Variants in BTBD7 observed in about 807,000 individuals in gnomAD.
The protein encoded by BTBD7 is BTB domain containing 7, also known as BTB/POZ domain-containing protein 7.
A neutral mutation model predicts 99.9 loss-of-function variants in BTBD7; 38 were observed. The observed-to-expected ratio is 0.38, with a 90% CI of 0.29 to 0.50. The LOEUF (loss-of-function observed/expected upper bound fraction) is 0.50, where lower values mean the gene tolerates loss of function less well. Among genes scored for constraint, BTBD7 ranks in the 20% least tolerant of loss-of-function variants. The probability of loss-of-function intolerance (pLI) is 0.93; values close to 1 mark genes in which losing one functional copy is unlikely to be tolerated. For synonymous variants in BTBD7, 520 were observed against 511.4 expected, an observed-to-expected ratio of 1.02 and a Z score of -0.23; for missense variants, 1,170 against 1,394.6, an observed-to-expected ratio of 0.84 and a Z score of 2.57.
At chr14:93,247,696 C>G (rs2052328630) in intron 9 of BTBD7, among the ~76,000 whole-genome samples, 1 of 152,134 alleles carries the variant, frequency 6.6e-6, no homozygotes, top group Non-Finnish European at 1.5e-5. Flanking sequence ...GAGTTTGTAG[C>G]AAGAAAATGA....
At chr14:93,248,768 G>A in intron 8 of BTBD7, 114 bp from the exon 9 acceptor site, 1 of 968,774 alleles carries the variant, frequency 1.0e-6, no homozygotes, top group African/African-American at 1.7e-5. Context: ...AAGTTTTTAA[G>A]ATAGTATCTT....
intron 2 of BTBD7, among the ~76,000 whole-genome samples, 198 bp from the exon 3 acceptor site, chr14:93,295,135 G>A (rs1195986698): frequency 6.6e-6 from 1 of 152,102 alleles, no homozygotes; most frequent in Non-Finnish European, 1.5e-5. Flanking sequence ...TAGAGATGGA[G>A]TCTCACTGTG....
intron 3 of BTBD7, among the ~76,000 whole-genome samples, chr14:93,289,407 A>G (rs374675685): frequency 6.6e-6 from 1 of 152,208 alleles, no homozygotes; most frequent in Admixed American, 6.5e-5. Context: ...TTCTTTCCAG[A>G]GTACTTAGTT....
At chr14:93,252,948 T>C (rs987589100) in intron 7 of BTBD7, among the ~76,000 whole-genome samples, 4 of 152,106 alleles carry the variant, frequency 2.6e-5, no homozygotes, top group African/African-American at 9.7e-5. Context: ...ATCAGTCTCC[T>C]GAGTAGCAGA....
chr14:93,330,141 T>C (rs2053385250), intron 1 of BTBD7, among the ~76,000 whole-genome samples: 1 of 152,188 alleles, frequency 6.6e-6, no homozygotes, highest in African/African-American at 2.4e-5. Context: ...CCTTCCTGGT[T>C]TACCACATTA....
At chr14:93,286,582 C>A (rs1268532442) in intron 3 of BTBD7, among the ~76,000 whole-genome samples, 1 of 152,148 alleles carries the variant, frequency 6.6e-6, no homozygotes, top group African/African-American at 2.4e-5. Context: ...CTGTTTTGTT[C>A]CTAAGAGTAG....
chr14:93,245,902 G>A lies in BTBD7; in HGVS notation c.2506C>T (p.Gln836Ter). The change falls in exon 10 of 11, where the codon CAG becomes TAG. Residue 836 changes from glutamine to a stop codon, truncating the protein, a stop_gained. Coordinates refer to ENST00000334746, the MANE Select transcript of BTBD7 (RefSeq NM_001002860.4). LOFTEE classifies it high-confidence loss of function. Reference sequence around the variant, plus strand: ...GTGGCGGCAGCAGCAGCCACCGTCTGTCTGCCCAGTCCTGCAGTGCTGGTA... The same window carrying A: ...GTGGCGGCAGCAGCAGCCACCGTCTATCTGCCCAGTCCTGCAGTGCTGGTA... ...DCTSTAGLGRQTVAAAAATTT... is the reference protein window; with the variant it reads ...DCTSTAGLGR 6.2e-7 allele frequency: 1 copy of A among 1,614,072 alleles called. No homozygotes were observed. Among genetic ancestry groups the A allele is most frequent in the Non-Finnish European group, 8.5e-7 (1 of 1,179,988 alleles).
chr14:93,297,837 A>T (rs2052947849), intron 1 of BTBD7, among the ~76,000 whole-genome samples: 1 of 152,212 alleles, frequency 6.6e-6, no homozygotes, highest in African/African-American at 2.4e-5. Flanking sequence ...AAGAGTTTAA[A>T]ATATATAAAC....
intron 3 of BTBD7, among the ~76,000 whole-genome samples, chr14:93,286,053 C>A (rs1368343383): frequency 1.3e-5 from 2 of 152,162 alleles, no homozygotes; most frequent in Non-Finnish European, 2.9e-5. Flanking sequence ...CTCCTACATT[C>A]TGTCCCTGGA....
intron 8 of BTBD7, among the ~76,000 whole-genome samples, chr14:93,249,740 A>G (rs572255430): frequency 2.0e-5 from 3 of 152,272 alleles, no homozygotes; most frequent in African/African-American, 7.2e-5. Context: ...GCCCCTTTCT[A>G]GAAAAAGTAT....
intron 3 of BTBD7, among the ~76,000 whole-genome samples, chr14:93,275,796 G>A (rs2052650105): frequency 6.6e-6 from 1 of 152,224 alleles, no homozygotes; most frequent in Non-Finnish European, 1.5e-5. Flanking sequence ...TACTGTGAAA[G>A]TACGTTATTA....
At chr14:93,273,983 C>A (rs986131912) in intron 3 of BTBD7, among the ~76,000 whole-genome samples, 1 of 152,194 alleles carries the variant, frequency 6.6e-6, no homozygotes. Flanking sequence ...AGGGGATTCA[C>A]TGCAGCATCT....
At chr14:93,245,729 C>T in intron 10 of BTBD7, 96 bp downstream of exon 10, 1 of 1,520,846 alleles carries the variant, frequency 6.6e-7, no homozygotes, top group Non-Finnish European at 8.8e-7. Flanking sequence ...TACTTCTGGG[C>T]ACTGCTGAGT....
At chr14:93,331,030 G>A (rs1188566954) in intron 1 of BTBD7, among the ~76,000 whole-genome samples, 1 of 152,110 alleles carries the variant, frequency 6.6e-6, no homozygotes. Flanking sequence ...TGCTAAAACT[G>A]GGTGAAAATG....
intron 3 of BTBD7, among the ~76,000 whole-genome samples, chr14:93,282,335 CTT>C (rs71129622): frequency 2.6e-4 from 36 of 139,924 alleles, no homozygotes; most frequent in Admixed American, 5.7e-4. Context: ...ATGCTTTTTT[CTT>C]TTTTTTTTTT....
chr14:93,261,567 AAGGTAACT>A, intron 5 of BTBD7, 27 bp downstream of exon 5: 1 of 1,506,322 alleles, frequency 6.6e-7, no homozygotes, highest in East Asian at 2.3e-5. Flanking sequence ...AATTTTACAC[AAGGTAACT>A]AGTGCAAGCT....
intron 1 of BTBD7, among the ~76,000 whole-genome samples, chr14:93,329,567 C>A (rs1027035286): frequency 1.3e-5 from 2 of 152,090 alleles, no homozygotes; most frequent in African/African-American, 4.8e-5. Context: ...TTGAGGGGAA[C>A]TTAACAAAAT....
chr14:93,273,151 G>A (rs1410571843), intron 3 of BTBD7, among the ~76,000 whole-genome samples: 2 of 152,160 alleles, frequency 1.3e-5, no homozygotes, highest in African/African-American at 4.8e-5. Flanking sequence ...TAGGAGACAT[G>A]GTGATAACCC....
At chr14:93,288,673 T>G in intron 3 of BTBD7, 1 of 1,531,516 alleles carries the variant, frequency 6.5e-7, no homozygotes, top group Non-Finnish European at 9.1e-7. Context: ...TTGAAAGCTC[T>G]GCTGCACAGG....
Sources: allele counts gnomAD v4.1 joint callset (sites outside exome capture counted in the v4.1 genomes callset), GRCh38; gene constraint gnomAD v4.1.1; transcripts MANE v1.5; gene names NCBI Gene and HGNC (gene_info 2026-07-23, HGNC 2026-07-21).